Variants in ARHGEF4 observed in about 807,000 individuals in gnomAD.
ARHGEF4 encodes Rho guanine nucleotide exchange factor 4, also known as APC-stimulated guanine nucleotide exchange factor 1.
Under a neutral mutation model 162.0 loss-of-function variants are expected in ARHGEF4, and 119 were observed. The observed-to-expected ratio is 0.73, with a 90% confidence interval of 0.63 to 0.86. ARHGEF4 has a LOEUF of 0.86. Ranked by LOEUF, ARHGEF4 falls within the 40% of genes least tolerant of loss-of-function variation. The pLI is 0.00. For synonymous variants in ARHGEF4, 1,014 were observed against 979.9 expected, an observed-to-expected ratio of 1.03 and a Z score of -0.65; for missense variants, 2,488 against 2,456.0, an observed-to-expected ratio of 1.01 and a Z score of -0.28.
chr2:131,002,141 A>G (rs969262503), intron 4 of ARHGEF4, among the ~76,000 whole-genome samples: 3 of 152,220 alleles, frequency 2.0e-5, no homozygotes, highest in Non-Finnish European at 4.4e-5. Context: ...GTACAGTGGT[A>G]AACAAGGTGC....
intron 1 of ARHGEF4, among the ~76,000 whole-genome samples, chr2:130,877,557 G>T (rs755249668): frequency 8.5e-5 from 13 of 152,144 alleles, no homozygotes; most frequent in Non-Finnish European, 1.9e-4. Flanking sequence ...GGCTGAGGTG[G>T]AAGGATTGCT....
chr2:130,900,158 A>G (rs1680402712), intron 1 of ARHGEF4, among the ~76,000 whole-genome samples: 1 of 151,998 alleles, frequency 6.6e-6, no homozygotes, highest in East Asian at 1.9e-4. Flanking sequence ...ATTTCGGTGA[A>G]TGTTTCATGG....
chr2:130,977,535 TTG>T (rs1285611773), intron 4 of ARHGEF4, among the ~76,000 whole-genome samples: 1 of 151,596 alleles, frequency 6.6e-6, no homozygotes, highest in African/African-American at 2.4e-5. Flanking sequence ...GTGGTATACA[TTG>T]TGTGTATGTT....
rs545854287 is a variant in ARHGEF4, at chr2:130,934,345, A to T, written c.3858+3088A>T. Among the ~76,000 whole-genome samples, 83 of 152,178 alleles carry T rather than the reference A, an allele frequency of 5.5e-4. 1 individual carries two copies. Among genetic ancestry groups the T allele is most frequent in the Admixed American group, 5.4e-3 (83 of 15,300 alleles). On this transcript the variant is annotated intron_variant, in intron 3 of 13. Transcript: ENST00000409359. ...GTTAGGAAGTGCTCTCTCCTCTTCT[A>T]TTTTTTGAAAGCATTTGAGAAAGAT... is the stretch of plus-strand genomic sequence containing the variant.
intron 1 of ARHGEF4, among the ~76,000 whole-genome samples, chr2:130,874,229 C>G (rs1047881081): frequency 2.6e-5 from 4 of 152,238 alleles, no homozygotes; most frequent in Non-Finnish European, 5.9e-5. Context: ...GTTCTTTCTC[C>G]TTTTCAGTAG....
chr2:130,927,791 A>G (rs1209493324), intron 2 of ARHGEF4, among the ~76,000 whole-genome samples: 2 of 152,168 alleles, frequency 1.3e-5, no homozygotes, highest in Non-Finnish European at 2.9e-5. Flanking sequence ...GCCACCATTC[A>G]GATGTCTTTG....
intron 4 of ARHGEF4, chr2:131,011,945 G>T (rs1466741978): frequency 2.9e-6 from 2 of 700,818 alleles, no homozygotes; most frequent in Admixed American, 2.0e-5. Context: ...TTGGATTCTG[G>T]ATAATAAAGT....
At position 131,040,451 on chromosome 2, in the gene ARHGEF4, G is replaced by T; in HGVS notation, c.4662+11G>T. 1 of 1,548,452 alleles carries T rather than the reference G, an allele frequency of 6.5e-7. No homozygotes were observed. The highest frequency in any genetic ancestry group is 8.7e-7 in the Non-Finnish European group (1 of 1,146,436). The stretch of plus-strand genomic sequence containing the variant: ...TGCTTCCTGGAGCATGTGAGCGCGC[G>T]GCCCCCGGCCCCTACCTGGGCGCTG... On this transcript the variant is annotated intron_variant, in intron 8 of 13. Transcript: ENST00000409359.
rs916178321 is a variant in ARHGEF4, at chr2:130,885,004, C to T, written c.40-28982C>T. On this transcript the variant is annotated intron_variant, in intron 1 of 13. Coordinates refer to ENST00000409359, the MANE Select transcript of ARHGEF4 (RefSeq NM_001367493.1). ...AAAAGAGGTACCATATTTGAAAGTA[C>T]GTAGTTTGAAGGCATTCAAGTTTAT... 1.4e-4 allele frequency among the ~76,000 whole-genome samples: 21 copies of T among 152,242 alleles called. 1 individual carries two copies. The highest frequency in any genetic ancestry group is 7.8e-4 in the Admixed American group (12 of 15,306).
intron 4 of ARHGEF4, among the ~76,000 whole-genome samples, chr2:131,020,626 A>G (rs1484356981): frequency 6.6e-6 from 1 of 151,984 alleles, no homozygotes; most frequent in African/African-American, 2.4e-5. Context: ...AGTCTTTGCT[A>G]TTGTGAATAG....
intron 2 of ARHGEF4, among the ~76,000 whole-genome samples, chr2:130,920,480 C>T (rs1402558863): frequency 6.6e-6 from 1 of 152,154 alleles, no homozygotes; most frequent in Non-Finnish European, 1.5e-5. Flanking sequence ...GTACACTGCG[C>T]CATCAGACCA....
intron 1 of ARHGEF4, among the ~76,000 whole-genome samples, chr2:130,894,172 A>G (rs942016677): frequency 2.0e-5 from 3 of 152,210 alleles, no homozygotes; most frequent in Non-Finnish European, 2.9e-5. Context: ...TTTCTGTAGA[A>G]GCTGTTTATT....
At chr2:130,957,364 C>T (rs939741636) in intron 4 of ARHGEF4, among the ~76,000 whole-genome samples, 2 of 151,730 alleles carry the variant, frequency 1.3e-5, no homozygotes, top group Middle Eastern at 3.4e-3. Context: ...GTGAAAGAAG[C>T]CAGGCTCAAA....
rs1328804082 is a variant in ARHGEF4 at position 130,916,191 on chromosome 2, C to T, written c.2245C>T (p.Arg749Cys). 3.9e-6 allele frequency: 6 copies of T among 1,547,774 alleles called. No individual in the cohort carries two copies. The highest frequency in any genetic ancestry group is 1.4e-5 in the African/African-American group (1 of 72,944). Residue 749 changes from arginine (R) to cysteine (C), a missense_variant, in exon 2 of 14, where the codon CGT becomes TGT. Arg to Cys is a radical substitution (Grantham distance 180). Around this residue, in one of 6 missense-constraint regions of ARHGEF4, gnomAD observed 1,642 missense variants for 1,481.5 expected, o/e 1.11. Transcript: ENST00000409359. ...GESRSSGSGE[R>C]GPEEAPEGGA... The stretch of plus-strand genomic sequence containing the variant: ...GAGCCGGAGCTCCGGGTCAGGGGAG[C>T]GTGGCCCGGAGGAGGCCCCCGAAGG...
At chr2:130,972,731 G>A (rs1685446799) in intron 4 of ARHGEF4, among the ~76,000 whole-genome samples, 1 of 152,312 alleles carries the variant, frequency 6.6e-6, no homozygotes, top group South Asian at 2.1e-4. Context: ...TGGTTAATGT[G>A]TTACTGATAA....
intron 4 of ARHGEF4, among the ~76,000 whole-genome samples, chr2:130,974,128 C>T (rs535631502): frequency 6.6e-6 from 1 of 151,092 alleles, no homozygotes; most frequent in South Asian, 2.1e-4. Context: ...AAAAATTAGC[C>T]AGGCATGATG....
chr2:130,893,619 G>A (rs72855944), intron 1 of ARHGEF4, among the ~76,000 whole-genome samples: 3,180 of 152,298 alleles, frequency 0.021, 96 homozygotes, highest in East Asian at 0.12. Context: ...CCTCAGTCAC[G>A]TGGCCGGGCA....
intron 4 of ARHGEF4, among the ~76,000 whole-genome samples, chr2:131,016,268 C>T (rs1688773263): frequency 6.6e-6 from 1 of 152,206 alleles, no homozygotes; most frequent in African/African-American, 2.4e-5. Flanking sequence ...TGTTTAACTC[C>T]CTTATTTCCT....
At chr2:130,898,736 G>C (rs981815024) in intron 1 of ARHGEF4, among the ~76,000 whole-genome samples, 1 of 152,160 alleles carries the variant, frequency 6.6e-6, no homozygotes, top group African/African-American at 2.4e-5. Context: ...TGAGAAGGCA[G>C]ACTAAGCCCA....
Sources: gnomAD v4.1 joint callset for allele counts (sites outside exome capture counted in the v4.1 genomes callset) on GRCh38, gnomAD v4.1.1 for gene constraint, gnomAD v4.1.1 regional missense constraint, MANE v1.5 for transcripts, NCBI Gene and HGNC (gene_info 2026-07-23, HGNC 2026-07-21) for gene names.